SNTB1: variants seen among roughly 807,000 people sequenced by gnomAD.
SNTB1 encodes beta-1-syntrophin.
Under a neutral mutation model 48.9 loss-of-function variants are expected in SNTB1, and 36 were observed. The observed-to-expected ratio is 0.74, with a 90% CI of 0.56 to 0.97. The LOEUF is 0.97. Ranked by LOEUF, SNTB1 falls within the 50% of genes least tolerant of loss-of-function variation. The pLI, the probability that SNTB1 is intolerant of heterozygous loss-of-function variation, is 0.00. For missense variants in SNTB1, 786 were observed against 703.4 expected (o/e 1.12, Z -1.33); for synonymous variants, 299 against 294.6 (o/e 1.01, Z -0.15).
At chr8:120,738,260 A>G (rs1488488358) in intron 1 of SNTB1, among the ~76,000 whole-genome samples, 1 of 152,200 alleles carries the variant, frequency 6.6e-6, no homozygotes, top group Non-Finnish European at 1.5e-5. Context: ...TTTGTTGTAT[A>G]TAAGCTACAC....
intron 1 of SNTB1, among the ~76,000 whole-genome samples, chr8:120,711,493 T>G (rs760474203): frequency 4.2e-4 from 64 of 152,116 alleles, no homozygotes; most frequent in Non-Finnish European, 7.2e-4. Flanking sequence ...GTCCTGGGCC[T>G]CCTCGCTTCC....
chr8:120,597,160 T>C (rs1390567978), intron 3 of SNTB1, among the ~76,000 whole-genome samples: 1 of 151,882 alleles, frequency 6.6e-6, no homozygotes, highest in Non-Finnish European at 1.5e-5. Flanking sequence ...GAGACTAGAG[T>C]GATGTGGCCA....
chr8:120,775,096 CT>C (rs1819708755), intron 1 of SNTB1, among the ~76,000 whole-genome samples: 1 of 152,132 alleles, frequency 6.6e-6, no homozygotes, highest in Non-Finnish European at 1.5e-5. Context: ...TCATAACATA[CT>C]TGTCTAAAAC....
chr8:120,622,559 T>A (rs1816810674), intron 3 of SNTB1, among the ~76,000 whole-genome samples: 1 of 151,860 alleles, frequency 6.6e-6, no homozygotes, highest in African/African-American at 2.4e-5. Flanking sequence ...TTCAAAGCAT[T>A]AAAAAAAATA....
At chr8:120,792,855 A>G (rs1261576675) in intron 1 of SNTB1, among the ~76,000 whole-genome samples, 1 of 152,054 alleles carries the variant, frequency 6.6e-6, no homozygotes, top group African/African-American at 2.4e-5. Flanking sequence ...AATGGAATCA[A>G]CATTGCCTGA....
At chr8:120,559,941 G>A (rs202120912) in intron 4 of SNTB1, among the ~76,000 whole-genome samples, 19 of 150,084 alleles carry the variant, frequency 1.3e-4, no homozygotes, top group South Asian at 6.4e-4. Context: ...ACAAAAAAAA[G>A]AAAAAAAAAA....
chr8:120,642,194 A>C (rs1450158682), intron 2 of SNTB1, among the ~76,000 whole-genome samples: 1 of 152,228 alleles, frequency 6.6e-6, no homozygotes, highest in African/African-American at 2.4e-5. Flanking sequence ...TGAGAGGGAC[A>C]TGGAATGGTG....
In SNTB1 at chr8:120,811,771, G is replaced by T. The variant is rs138763501; in HGVS notation, c.73C>A (p.Leu25Met). 1,655 of 1,516,688 alleles carry T rather than the reference G, an allele frequency of 1.1e-3. 7 individuals carry two copies. The highest frequency in any genetic ancestry group is 0.011 in the Middle Eastern group (56 of 5,270). 94.0% of individuals were successfully genotyped at this position (1,516,688 alleles called of 1,614,324 possible). A position where few individuals can be genotyped will look rare whatever the true frequency, so the allele number is the denominator to read the frequency against. The change falls in exon 1 of 7, where the codon CTG becomes ATG. Residue 25 changes from leucine to methionine, a missense_variant. Coordinates refer to ENST00000517992, the MANE Select transcript of SNTB1 (RefSeq NM_021021.4). ...AGGGRAQRSG[L>M]LEVLVRDRWH... ...CGATCCCGCACCAAAACTTCCAGCAGCCCGCTCCGCTGCGCCCGGCCGCCT... is the reference window on the plus strand; with the variant it reads ...CGATCCCGCACCAAAACTTCCAGCATCCCGCTCCGCTGCGCCCGGCCGCCT...
In SNTB1 at chr8:120,604,110, G is replaced by A. The variant is rs573897572; in HGVS notation, c.996+28334C>T. Among the ~76,000 whole-genome samples the A allele has an allele frequency of 1.5e-3, 229 of 152,246 alleles. 2 individuals are homozygous for A. The highest frequency in any genetic ancestry group is 2.3e-3 in the Non-Finnish European group (159 of 68,012). ...TATGGGCCCAAATAAAGAGGAAGGT[G>A]TAAGTTGAGGATGCCAAGGTCTCAT... On this transcript the variant is annotated intron_variant, in intron 3 of 6. Transcript: ENST00000517992.
intron 4 of SNTB1, among the ~76,000 whole-genome samples, chr8:120,568,361 CATTT>C (rs1815787315): frequency 6.6e-6 from 1 of 152,170 alleles, no homozygotes. Context: ...AGGCAGGGGA[CATTT>C]TTTTCCCATT....
At chr8:120,682,841 A>T (rs1563850540) in intron 2 of SNTB1, among the ~76,000 whole-genome samples, 1 of 151,816 alleles carries the variant, frequency 6.6e-6, no homozygotes. Context: ...GAGGTAAATT[A>T]TCCAAAAGAT....
chr8:120,673,329 C>T (rs1332566100), intron 2 of SNTB1, among the ~76,000 whole-genome samples: 5 of 150,382 alleles, frequency 3.3e-5, no homozygotes, highest in African/African-American at 4.9e-5. Context: ...CTCACTCTGT[C>T]GCCCAGGCTG....
chr8:120,605,798 T>A (rs149777700), intron 3 of SNTB1, among the ~76,000 whole-genome samples: 2 of 152,166 alleles, frequency 1.3e-5, no homozygotes, highest in Admixed American at 1.3e-4. Flanking sequence ...GGGAAGTCAG[T>A]GCAATCCATG....
At chr8:120,688,508 C>T (rs1287984275) in intron 2 of SNTB1, among the ~76,000 whole-genome samples, 1 of 152,018 alleles carries the variant, frequency 6.6e-6, no homozygotes, top group Non-Finnish European at 1.5e-5. Flanking sequence ...TGGAGTGTCT[C>T]AGAGCTCAAA....
rs571100528 is a variant in SNTB1 at position 120,593,195 on chromosome 8, C to T, written c.997-17970G>A. Among the ~76,000 whole-genome samples, 5 of 152,212 alleles carry T rather than the reference C, an allele frequency of 3.3e-5. No individual in the cohort carries two copies. In the East Asian group the frequency reaches 9.7e-4, roughly 29 times the overall value. ...AACTATGAGGTCAGTAAAGTTTAATCGTGGTGCCAGGGACGATATTCAAAA... is the reference window on the plus strand; with the variant it reads ...AACTATGAGGTCAGTAAAGTTTAATTGTGGTGCCAGGGACGATATTCAAAA... On this transcript the variant is annotated intron_variant, in intron 3 of 6. Transcript: ENST00000517992.
At chr8:120,574,655 T>C (rs903345139) in intron 4 of SNTB1, among the ~76,000 whole-genome samples, 2 of 152,164 alleles carry the variant, frequency 1.3e-5, no homozygotes, top group Admixed American at 6.5e-5. Flanking sequence ...TAACTTGTTA[T>C]GAGATTTCCT....
At chr8:120,612,864 C>CCAT (rs1245353004) in intron 3 of SNTB1, among the ~76,000 whole-genome samples, 7 of 152,172 alleles carry the variant, frequency 4.6e-5, no homozygotes, top group Non-Finnish European at 8.8e-5. Flanking sequence ...TTTAGGATAA[C>CCAT]CATCACCTCA....
intron 3 of SNTB1, among the ~76,000 whole-genome samples, chr8:120,612,124 C>T (rs929591927): frequency 3.3e-5 from 5 of 152,162 alleles, no homozygotes; most frequent in Admixed American, 6.6e-5. Context: ...AGTGAGCCTT[C>T]GAGAAAGCCA....
intron 1 of SNTB1, among the ~76,000 whole-genome samples, chr8:120,747,100 C>CAGAATATAT (rs1222962696): frequency 2.0e-5 from 3 of 151,942 alleles, no homozygotes; most frequent in Non-Finnish European, 4.4e-5. Context: ...GGTTAAAATA[C>CAGAATATAT]AGAATATATC....
Sources: allele counts gnomAD v4.1 joint callset (sites outside exome capture counted in the v4.1 genomes callset), GRCh38; gene constraint gnomAD v4.1.1; transcripts MANE v1.5; gene names NCBI Gene and HGNC (gene_info 2026-07-23, HGNC 2026-07-21).